Variants in DPP10 observed in about 807,000 individuals in gnomAD.
DPP10 encodes inactive dipeptidyl peptidase 10.
In DPP10, 33 loss-of-function variants were observed where a neutral mutation model predicts 120.9. That is an observed-to-expected ratio of 0.27 (90% CI 0.21 to 0.37). DPP10 has a LOEUF of 0.37. DPP10 is among the 10% of genes least tolerant of loss of function. The probability of loss-of-function intolerance (pLI) is 1.00; values close to 1 mark genes in which losing one functional copy is unlikely to be tolerated. For missense variants in DPP10, 816 were observed against 942.8 expected (o/e 0.87, Z 1.76); for synonymous variants, 337 against 326.1 (o/e 1.03, Z -0.36).
At chr2:115,819,039 T>C (rs115484357) in intron 21 of DPP10, among the ~76,000 whole-genome samples, 1,959 of 152,304 alleles carry the variant, frequency 0.013, 43 homozygotes, top group African/African-American at 0.042. Context: ...TTCTTTTTTC[T>C]TGAAATGCAC....
chr2:115,808,937 G>A (rs1392272101), intron 19 of DPP10, among the ~76,000 whole-genome samples: 4 of 152,090 alleles, frequency 2.6e-5, no homozygotes, highest in Non-Finnish European at 4.4e-5. Context: ...AACCTTGATC[G>A]AATCAACTGC....
intron 1 of DPP10, among the ~76,000 whole-genome samples, chr2:115,208,048 A>G (rs187751803): frequency 6.6e-6 from 1 of 152,310 alleles, no homozygotes; most frequent in Admixed American, 6.5e-5. Context: ...TGGAAAATCC[A>G]CTAATCTAAG....
At chr2:115,384,701 AAG>A (rs1475887719) in intron 3 of DPP10, among the ~76,000 whole-genome samples, 2 of 126,156 alleles carry the variant, frequency 1.6e-5, no homozygotes, top group Non-Finnish European at 3.1e-5. Context: ...AAGAAAAAGA[AAG>A]AAGAAAGAAG....
intron 1 of DPP10, among the ~76,000 whole-genome samples, chr2:114,688,098 A>T (rs1699489962): frequency 1.3e-5 from 2 of 152,016 alleles, no homozygotes; most frequent in African/African-American, 4.8e-5. Context: ...CAAAGGGAAG[A>T]ACATGTTACA....
chr2:114,664,987 A>G (rs1007697383), intron 1 of DPP10, among the ~76,000 whole-genome samples: 6 of 148,516 alleles, frequency 4.0e-5, no homozygotes, highest in African/African-American at 1.6e-4. Flanking sequence ...GGCAGAGAGC[A>G]TCCAAAAGAT....
At chr2:115,612,753 T>TCATA (rs1485416017) in intron 5 of DPP10, among the ~76,000 whole-genome samples, 5 of 152,172 alleles carry the variant, frequency 3.3e-5, no homozygotes, top group Non-Finnish European at 1.5e-5. Context: ...CTCATAAAGC[T>TCATA]GTATTAATAT....
intron 3 of DPP10, among the ~76,000 whole-genome samples, chr2:115,442,395 C>T (rs995621823): frequency 7.4e-6 from 1 of 135,616 alleles, no homozygotes; most frequent in Non-Finnish European, 1.5e-5. Context: ...GTGCGTGTGT[C>T]GTTTCATTAG....
intron 8 of DPP10, 85 bp downstream of exon 8, chr2:115,728,021 G>T: frequency 6.9e-7 from 1 of 1,447,162 alleles, no homozygotes; most frequent in Admixed American, 2.4e-5. Flanking sequence ...TCATTCCGGA[G>T]CAATACTTAC....
chr2:114,483,755 A>T (rs1270059862), intron 1 of DPP10, among the ~76,000 whole-genome samples: 1 of 152,178 alleles, frequency 6.6e-6, no homozygotes, highest in Non-Finnish European at 1.5e-5. Flanking sequence ...GACCTCGCTC[A>T]GGCCTTGTTA....
At chr2:114,503,025 G>C (rs1266939434) in intron 1 of DPP10, among the ~76,000 whole-genome samples, 1 of 152,152 alleles carries the variant, frequency 6.6e-6, no homozygotes, top group African/African-American at 2.4e-5. Context: ...AGTATAAAGG[G>C]CCCATGGAGG....
intron 4 of DPP10, among the ~76,000 whole-genome samples, chr2:115,523,414 A>C (rs2077937887): frequency 1.3e-5 from 2 of 151,126 alleles, no homozygotes; most frequent in Non-Finnish European, 3.0e-5. Flanking sequence ...AAAAAAAAAA[A>C]AAAAAAAACC....
intron 1 of DPP10, among the ~76,000 whole-genome samples, chr2:114,808,801 A>G (rs533125820): frequency 6.6e-6 from 1 of 152,198 alleles, no homozygotes; most frequent in East Asian, 1.9e-4. Context: ...CCCAAGTCCA[A>G]TATCTGTTCC....
In DPP10 at chr2:114,846,561, T is replaced by C. The variant is rs1241168818; in HGVS notation, c.60+403723T>C. Among the ~76,000 whole-genome samples the C allele has an allele frequency of 2.7e-5, 4 of 149,766 alleles. No individual in the cohort carries two copies. The South Asian group carries it at 8.3e-4, about 31-fold the overall frequency. On this transcript the variant is annotated intron_variant, in intron 1 of 25. Coordinates refer to ENST00000410059, the MANE Select transcript of DPP10 (RefSeq NM_020868.6). The stretch of plus-strand genomic sequence containing the variant: ...AGTTTTACTGTTTCCTAAATGTAAA[T>C]TCCATACTCAGATTCTGTTTTTTTT...
chr2:115,409,111 A>T (rs1559558685), intron 3 of DPP10, among the ~76,000 whole-genome samples: 1 of 152,168 alleles, frequency 6.6e-6, no homozygotes. Context: ...ACAAATTATC[A>T]AATTGGGAAT....
intron 3 of DPP10, among the ~76,000 whole-genome samples, chr2:115,445,702 G>T (rs1469780674): frequency 1.3e-5 from 2 of 152,180 alleles, no homozygotes; most frequent in African/African-American, 4.8e-5. Context: ...TAGAAAATTT[G>T]CAGCCTGACC....
chr2:115,368,719 GTTA>G (rs1386020932), intron 3 of DPP10, among the ~76,000 whole-genome samples: 1 of 151,692 alleles, frequency 6.6e-6, no homozygotes, highest in Non-Finnish European at 1.5e-5. Flanking sequence ...AAGGCTGCAT[GTTA>G]TTATGAATTT....
chr2:115,411,946 C>T (rs1168381012), intron 3 of DPP10, among the ~76,000 whole-genome samples: 1 of 152,068 alleles, frequency 6.6e-6, no homozygotes, highest in Non-Finnish European at 1.5e-5. Context: ...TATTCATTTT[C>T]CATCTGGTGT....
At chr2:115,419,339 C>G (rs1402277725) in intron 3 of DPP10, among the ~76,000 whole-genome samples, 1 of 152,116 alleles carries the variant, frequency 6.6e-6, no homozygotes, top group African/African-American at 2.4e-5. Flanking sequence ...GTGTCAGTAT[C>G]TGCATCTGGT....
intron 1 of DPP10, among the ~76,000 whole-genome samples, chr2:115,294,841 A>G (rs970235452): frequency 2.0e-5 from 3 of 152,044 alleles, no homozygotes; most frequent in African/African-American, 7.2e-5. Context: ...TACAGGAGGG[A>G]GAGGCATGAG....
Sources: allele counts gnomAD v4.1 joint callset (sites outside exome capture counted in the v4.1 genomes callset), GRCh38; gene constraint gnomAD v4.1.1; transcripts MANE v1.5; gene names NCBI Gene and HGNC (gene_info 2026-07-23, HGNC 2026-07-21).